Variants in SCFD1 observed in about 807,000 individuals in gnomAD.
The protein encoded by SCFD1 is sec1 family domain-containing protein 1.
In SCFD1, 37 loss-of-function variants were observed where a neutral mutation model predicts 103.2. The observed-to-expected ratio is 0.36, with a 90% confidence interval of 0.28 to 0.47. The LOEUF (loss-of-function observed/expected upper bound fraction) is 0.47, where lower values mean the gene tolerates loss of function less well. Ranked by LOEUF, SCFD1 falls within the 20% of genes least tolerant of loss-of-function variation. SCFD1 has a pLI of 1.00. For synonymous variants in SCFD1, 264 were observed against 245.0 expected (o/e 1.08, Z -0.73); for missense variants, 639 against 761.2 (o/e 0.84, Z 1.89).
Position 30,650,614 on chromosome 14 carries a change from T to G in SCFD1, c.719T>G (p.Leu240Arg). The G allele has an allele frequency of 1.2e-6, 2 of 1,609,740 alleles. No individual in the cohort carries two copies. The highest frequency in any genetic ancestry group is 1.7e-6 in the Non-Finnish European group (2 of 1,176,504). Reference protein sequence around the residue: ...RENLRDARNSLFTGDTLGAGQ... With the variant: ...RENLRDARNSRFTGDTLGAGQ... ...AATCTAAGAGATGCAAGAAACAGTC[T>G]TTTTACAGGTGATACACTTGGAGCT... is the stretch of plus-strand genomic sequence containing the variant. The change falls in exon 9 of 25, where the codon CTT (leucine) becomes CGT (arginine). Residue 240 changes from leucine (L) to arginine (R), a missense_variant. By Grantham distance (102) the Leu-to-Arg change is moderately radical. Coordinates refer to ENST00000458591, the MANE Select transcript of SCFD1 (RefSeq NM_016106.4).
intron 1 of SCFD1, among the ~76,000 whole-genome samples, chr14:30,626,946 G>C (rs894663914): frequency 1.3e-5 from 2 of 152,166 alleles, no homozygotes; most frequent in South Asian, 4.1e-4. Context: ...GCTGTAAGTT[G>C]ATATTCAGGT....
chr14:30,631,227 C>T (rs918139405), intron 3 of SCFD1, among the ~76,000 whole-genome samples: 2 of 152,096 alleles, frequency 1.3e-5, no homozygotes, highest in African/African-American at 2.4e-5. Flanking sequence ...TGGTGGCAGG[C>T]ACCTGTAATC....
At chr14:30,691,087 T>C (rs1890265110) in intron 14 of SCFD1, among the ~76,000 whole-genome samples, 1 of 152,206 alleles carries the variant, frequency 6.6e-6, no homozygotes, top group Non-Finnish European at 1.5e-5. Flanking sequence ...AAATCGTTCT[T>C]GAGGGTAGTG....
intron 19 of SCFD1, among the ~76,000 whole-genome samples, chr14:30,711,995 C>T (rs913351233): frequency 7.2e-5 from 11 of 151,934 alleles, no homozygotes; most frequent in Admixed American, 5.9e-4. Context: ...TTGCCATGAA[C>T]ACGAGATGAT....
Position 30,628,240 on chromosome 14 carries a change from G to C in SCFD1, c.93G>C (p.Val31=). The C allele has an allele frequency of 6.2e-7, 1 of 1,611,984 alleles. No homozygotes were observed. ...VALKRMLNFN[V]PHIKNSTGEP... ...TGAAGCGTATGTTGAATTTCAATGT[G>C]CCTCATATTAAAAACAGCACAGGAG... The change falls in exon 2 of 25, where the codon GTG becomes GTC. Residue 31 remains valine, a synonymous_variant. Coordinates refer to ENST00000458591, the MANE Select transcript of SCFD1 (RefSeq NM_016106.4).
intron 10 of SCFD1, among the ~76,000 whole-genome samples, chr14:30,668,039 T>A (rs574958465): frequency 2.6e-5 from 4 of 152,116 alleles, no homozygotes; most frequent in African/African-American, 9.7e-5. Context: ...CTTCACAGAA[T>A]TGGAAAAAAA....
In SCFD1 at chr14:30,639,842, T is replaced by C; in HGVS notation, c.501T>C (p.Asn167=). The change falls in exon 6 of 25, where the codon AAT becomes AAC. Residue 167 remains asparagine (N), a synonymous_variant. Coordinates refer to ENST00000458591, the MANE Select transcript of SCFD1 (RefSeq NM_016106.4). ...EDDMFVLCNQ[N]KELVSYRAIN... Reference sequence around the variant, plus strand: ...ATATGTTTGTATTATGTAATCAAAATAAGGAGCTTGTTTCATATCGTGGTA... The same window carrying C: ...ATATGTTTGTATTATGTAATCAAAACAAGGAGCTTGTTTCATATCGTGGTA... The C allele has an allele frequency of 1.3e-6, 2 of 1,583,644 alleles. No homozygotes were observed. Among genetic ancestry groups the C allele is most frequent in the Non-Finnish European group, 1.7e-6 (2 of 1,165,030 alleles).
At chr14:30,669,815 G>T (rs1480938437) in intron 10 of SCFD1, 1 of 152,630 alleles carries the variant, frequency 6.6e-6, no homozygotes, top group Non-Finnish European at 1.5e-5. Context: ...AGGCCTGGTT[G>T]CATAAGTTGA....
intron 14 of SCFD1, chr14:30,683,234 AC>A: frequency 1.8e-6 from 2 of 1,101,464 alleles, no homozygotes; most frequent in Non-Finnish European, 2.6e-6. Context: ...TACAGGGCAG[AC>A]CACTTGTCCT....
At chr14:30,655,608 G>C (rs181369901) in intron 10 of SCFD1, among the ~76,000 whole-genome samples, 8 of 152,300 alleles carry the variant, frequency 5.3e-5, no homozygotes, top group Non-Finnish European at 7.3e-5. Flanking sequence ...TGAGATGATA[G>C]CAGCTTATAG....
intron 14 of SCFD1, among the ~76,000 whole-genome samples, chr14:30,692,136 C>A (rs1027966699): frequency 1.3e-5 from 2 of 151,950 alleles, no homozygotes; most frequent in Non-Finnish European, 2.9e-5. Context: ...TTTACGTTTT[C>A]CACTTCTAGA....
rs145887655 is a variant in SCFD1, at chr14:30,633,782, TAAC to T, written c.222-160_222-158del. ...GGGTCTTACTAATGCTAATAAATAA[TAAC>T]AACACTGACATGGGAGAAAGATAGG... On this transcript the variant is annotated intron_variant, in intron 3 of 24. Coordinates refer to ENST00000458591, the MANE Select transcript of SCFD1 (RefSeq NM_016106.4). 9.3e-3 allele frequency among the ~76,000 whole-genome samples: 1,417 copies of T among 152,318 alleles called. 27 individuals carry two copies. Among genetic ancestry groups the T allele is most frequent in the African/African-American group, 0.032 (1,320 of 41,588 alleles).
At chr14:30,644,308 A>T (rs977211869) in intron 7 of SCFD1, among the ~76,000 whole-genome samples, 3 of 152,218 alleles carry the variant, frequency 2.0e-5, no homozygotes, top group Non-Finnish European at 4.4e-5. Flanking sequence ...AGCAATGAAC[A>T]TATGGGTAGA....
chr14:30,653,381 C>T (rs772512443), intron 9 of SCFD1, 108 bp from the exon 10 acceptor site: 3 of 687,472 alleles, frequency 4.4e-6, no homozygotes, highest in African/African-American at 1.8e-5. Context: ...TCAATATTAG[C>T]ATACTATTAT....
chr14:30,622,279 G>A (rs1882894568), upstream of SCFD1: 1 of 1,588,520 alleles, frequency 6.3e-7, no homozygotes, highest in Non-Finnish European at 8.5e-7. Flanking sequence ...GGGCGGTAAG[G>A]GCAGCCACGT....
In SCFD1 at chr14:30,646,227, TG is replaced by T. The variant is rs201012952; in HGVS notation, c.613+2824del. Among the ~76,000 whole-genome samples the T allele has an allele frequency of 5.6e-3, 849 of 151,726 alleles. 10 individuals carry two copies. The highest frequency in any genetic ancestry group is 0.019 in the African/African-American group (779 of 41,354). Reference sequence around the variant, plus strand: ...TACTAGAGATGGGGTTTCACCATGTTGGTCAGGATGGTCTCAATCTCTTGAC... The same window carrying T: ...TACTAGAGATGGGGTTTCACCATGTTGTCAGGATGGTCTCAATCTCTTGAC... On this transcript the variant is annotated intron_variant, in intron 7 of 24. Transcript: ENST00000458591.
chr14:30,673,857 A>G, intron 12 of SCFD1, 67 bp from the exon 13 acceptor site: 1 of 1,040,904 alleles, frequency 9.6e-7, no homozygotes, highest in Non-Finnish European at 1.5e-6. Context: ...CAATCTTAGG[A>G]TGTGTTGATT....
intron 10 of SCFD1, chr14:30,653,833 AG>A (rs1297784468): frequency 1.0e-5 from 3 of 290,434 alleles, no homozygotes; most frequent in African/African-American, 6.5e-5. Context: ...GCCATGGAAA[AG>A]AAGGAAAAGA....
At chr14:30,652,669 C>A (rs1484512381) in intron 9 of SCFD1, among the ~76,000 whole-genome samples, 1 of 152,046 alleles carries the variant, frequency 6.6e-6, no homozygotes, top group African/African-American at 2.4e-5. Context: ...ATTTTGCTAA[C>A]CACAAAAATT....
Sources: allele counts gnomAD v4.1 joint callset (sites outside exome capture counted in the v4.1 genomes callset), GRCh38; gene constraint gnomAD v4.1.1; transcripts MANE v1.5; gene names NCBI Gene and HGNC (gene_info 2026-07-23, HGNC 2026-07-21).